Variants in ACMSD observed in about 807,000 individuals in gnomAD.
ACMSD encodes 2-amino-3-carboxymuconate-6-semialdehyde decarboxylase.
Under a neutral mutation model 45.9 loss-of-function variants are expected in ACMSD, and 37 were observed. The ratio of observed to expected loss-of-function variants is 0.81; its 90% CI spans 0.62 to 1.06. The LOEUF is 1.06. Ranked by LOEUF, ACMSD falls within the 50% of genes least tolerant of loss-of-function variation. ACMSD has a pLI of 0.00. For synonymous variants in ACMSD, 138 were observed against 148.8 expected, an observed-to-expected ratio of 0.93 and a Z score of 0.53; for missense variants, 434 against 420.9, an observed-to-expected ratio of 1.03 and a Z score of -0.27.
intron 6 of ACMSD, 114 bp downstream of exon 6, chr2:134,867,786 G>A: frequency 2.7e-6 from 2 of 749,620 alleles, no homozygotes; most frequent in South Asian, 4.1e-5. Context: ...AGGATTATGA[G>A]TAATAGCAGC....
chr2:134,860,807 C>A (rs1487675280), intron 3 of ACMSD, among the ~76,000 whole-genome samples: 2 of 142,722 alleles, frequency 1.4e-5, no homozygotes, highest in African/African-American at 5.2e-5. Flanking sequence ...ATCCCTTGAG[C>A]CCAGGAGTTC....
chr2:134,850,643 T>G (rs1313035355), intron 2 of ACMSD, among the ~76,000 whole-genome samples: 3 of 141,090 alleles, frequency 2.1e-5, no homozygotes, highest in Admixed American at 7.9e-5. Context: ...TACCTTCAAA[T>G]GTTTTTAAGA....
At position 134,838,672 on chromosome 2, in the gene ACMSD, A is replaced by G. The variant is rs1363797686; in HGVS notation, c.-11A>G. The G allele has an allele frequency of 1.2e-5, 20 of 1,606,574 alleles. No homozygotes were observed. Among genetic ancestry groups the G allele is most frequent in the Non-Finnish European group, 1.7e-5 (20 of 1,176,060 alleles). On this transcript the variant is annotated 5_prime_UTR_variant, in exon 1 of 10. An upstream open reading frame in the 5' UTR loses its in-frame stop. Transcript: ENST00000356140. The stretch of plus-strand genomic sequence containing the variant: ...ACTTCTTTCCTTGCATGCTTCTCTG[A>G]TCCTGTGGAGATGAAAATTGACATC...
intron 3 of ACMSD, among the ~76,000 whole-genome samples, chr2:134,859,868 C>A (rs1323405976): frequency 6.6e-6 from 1 of 151,924 alleles, no homozygotes; most frequent in Non-Finnish European, 1.5e-5. Context: ...AAAATCAATC[C>A]AGAAATTTGA....
At chr2:134,882,969 G>T (rs1002693211) in intron 8 of ACMSD, among the ~76,000 whole-genome samples, 9 of 152,170 alleles carry the variant, frequency 5.9e-5, no homozygotes, top group African/African-American at 2.2e-4. Flanking sequence ...GATGTGTGCA[G>T]CTGCTGGCTT....
At chr2:134,890,617 TAA>T (rs1198606839) in intron 8 of ACMSD, among the ~76,000 whole-genome samples, 1 of 152,098 alleles carries the variant, frequency 6.6e-6, no homozygotes, top group Non-Finnish European at 1.5e-5. Context: ...TGTGGTCATA[TAA>T]AAAGTATCCC....
rs1173554270 is a variant in ACMSD, at chr2:134,872,604, C to A, written c.812C>A (p.Pro271His). The change falls in exon 8 of 10, where the codon CCT becomes CAT. Residue 271 changes from proline to histidine, a missense_variant. Transcript: ENST00000356140. ...TACACAGATGCTTTGGTTCATGATCCTCTGTCCCTCAAGCTGTTAACAGAT... is the reference window on the plus strand; with the variant it reads ...TACACAGATGCTTTGGTTCATGATCATCTGTCCCTCAAGCTGTTAACAGAT... ...SFYTDALVHD[P>H]LSLKLLTDVI... 6.2e-7 allele frequency: 1 copy of A among 1,614,176 alleles called. No homozygotes were observed. The highest frequency in any genetic ancestry group is 8.5e-7 in the Non-Finnish European group (1 of 1,180,034).
chr2:134,849,852 C>T (rs746837284), intron 2 of ACMSD, among the ~76,000 whole-genome samples: 1 of 152,016 alleles, frequency 6.6e-6, no homozygotes, highest in Non-Finnish European at 1.5e-5. Flanking sequence ...GGCAAAGACA[C>T]CTGGGAGCAT....
chr2:134,893,812 C>T (rs1689932292), intron 8 of ACMSD, among the ~76,000 whole-genome samples: 1 of 152,172 alleles, frequency 6.6e-6, no homozygotes, highest in Admixed American at 6.5e-5. Flanking sequence ...GCTAATTCAT[C>T]ATTAGTAGAC....
intron 5 of ACMSD, among the ~76,000 whole-genome samples, chr2:134,864,560 T>A (rs1346464236): frequency 6.6e-6 from 1 of 152,194 alleles, no homozygotes; most frequent in Non-Finnish European, 1.5e-5. Context: ...GATTTTTAAA[T>A]AACTGCAGAA....
At chr2:134,863,955 G>A (rs1241082054) in intron 5 of ACMSD, among the ~76,000 whole-genome samples, 1 of 152,008 alleles carries the variant, frequency 6.6e-6, no homozygotes, top group Non-Finnish European at 1.5e-5. Flanking sequence ...AAAGAATCGT[G>A]TTAATGACAT....
chr2:134,841,479 A>G (rs992670121), intron 1 of ACMSD, among the ~76,000 whole-genome samples: 1 of 152,182 alleles, frequency 6.6e-6, no homozygotes, highest in Non-Finnish European at 1.5e-5. Context: ...TGCTAATAAT[A>G]ATTTTAGTCA....
intron 5 of ACMSD, 142 bp from the exon 6 acceptor site, chr2:134,867,437 C>T (rs1688153824): frequency 5.2e-6 from 3 of 578,598 alleles, no homozygotes; most frequent in Admixed American, 3.1e-5. Flanking sequence ...CTATATAGAT[C>T]ATAAAACAAC....
chr2:134,882,324 T>C (rs77852952), intron 8 of ACMSD, among the ~76,000 whole-genome samples: 2,784 of 152,126 alleles, frequency 0.018, 87 homozygotes, highest in African/African-American at 0.064. Context: ...AGCGAGAGAG[T>C]TCAAGTCCTG....
chr2:134,874,781 A>T (rs1688647541), intron 8 of ACMSD, among the ~76,000 whole-genome samples: 1 of 152,236 alleles, frequency 6.6e-6, no homozygotes, highest in Non-Finnish European at 1.5e-5. Flanking sequence ...CAATATTTGT[A>T]GTCATAATAG....
intron 8 of ACMSD, among the ~76,000 whole-genome samples, chr2:134,894,071 C>T (rs1689951377): frequency 6.6e-6 from 1 of 151,976 alleles, no homozygotes; most frequent in African/African-American, 2.4e-5. Context: ...CTAGAAAATG[C>T]AGAGTAAACT....
intron 2 of ACMSD, among the ~76,000 whole-genome samples, chr2:134,856,539 T>A (rs1205566022): frequency 6.6e-6 from 1 of 152,222 alleles, no homozygotes. Flanking sequence ...ATAACAGCCA[T>A]CCTAACAAGT....
At chr2:134,852,882 T>C (rs1687407853) in intron 2 of ACMSD, among the ~76,000 whole-genome samples, 1 of 152,040 alleles carries the variant, frequency 6.6e-6, no homozygotes, top group African/African-American at 2.4e-5. Context: ...AATACATTTC[T>C]GGCTGGGCAT....
At chr2:134,860,713 T>C (rs1687804964) in intron 3 of ACMSD, among the ~76,000 whole-genome samples, 1 of 152,086 alleles carries the variant, frequency 6.6e-6, no homozygotes, top group East Asian at 1.9e-4. Flanking sequence ...TTTTGCTTTA[T>C]ATATTTTTTA....
Sources: gnomAD v4.1 joint callset for allele counts (sites outside exome capture counted in the v4.1 genomes callset) on GRCh38, gnomAD v4.1.1 for gene constraint, MANE v1.5 for transcripts, NCBI Gene and HGNC (gene_info 2026-07-23, HGNC 2026-07-21) for gene names.